The following ZFPM2 variants were observed in gnomAD, a reference collection of about 807,000 sequenced individuals.
The protein encoded by ZFPM2 is zinc finger protein ZFPM2.
ZFPM2 carries 20 observed loss-of-function variants against 98.6 expected under a neutral mutation model. That is an observed-to-expected ratio of 0.20 (90% CI 0.14 to 0.29). The LOEUF (loss-of-function observed/expected upper bound fraction) is 0.29, where lower values mean the gene tolerates loss of function less well. ZFPM2 is among the 10% of genes least tolerant of loss of function. ZFPM2 has a pLI of 1.00. For synonymous variants in ZFPM2, 518 were observed against 502.7 expected (o/e 1.03, Z -0.41); for missense variants, 1,310 against 1,388.6 (o/e 0.94, Z 0.90).
At chr8:105,775,764 C>T (rs1308608336) in intron 5 of ZFPM2, among the ~76,000 whole-genome samples, 2 of 152,208 alleles carry the variant, frequency 1.3e-5, no homozygotes, top group East Asian at 1.9e-4. Context: ...CGCAAGTTTC[C>T]GCAAAGCACT....
chr8:105,341,186 A>G (rs1269879387), intron 1 of ZFPM2, among the ~76,000 whole-genome samples: 2 of 151,876 alleles, frequency 1.3e-5, no homozygotes, highest in Non-Finnish European at 2.9e-5. Context: ...TGGGGCTTCC[A>G]CTCTCTAAAA....
intron 3 of ZFPM2, among the ~76,000 whole-genome samples, chr8:105,445,200 C>T (rs1679532228): frequency 1.3e-5 from 2 of 152,170 alleles, no homozygotes; most frequent in Middle Eastern, 3.4e-3. Flanking sequence ...CTCTGCTGTA[C>T]GTGAAGAAGA....
chr8:105,366,585 T>C (rs1211713122), intron 1 of ZFPM2, among the ~76,000 whole-genome samples: 1 of 151,882 alleles, frequency 6.6e-6, no homozygotes. Flanking sequence ...TAGTTACATA[T>C]GTATACATGT....
At chr8:105,586,306 CA>C (rs1815713521) in intron 4 of ZFPM2, among the ~76,000 whole-genome samples, 1 of 151,796 alleles carries the variant, frequency 6.6e-6, no homozygotes, top group Admixed American at 6.6e-5. Context: ...TACATGTTGT[CA>C]AAAGAGCTTA....
chr8:105,330,822 T>A (rs1438522371), intron 1 of ZFPM2, among the ~76,000 whole-genome samples: 1 of 150,018 alleles, frequency 6.7e-6, no homozygotes, highest in African/African-American at 2.4e-5. Flanking sequence ...AATAATTTTG[T>A]TACATGAGAG....
At chr8:105,675,877 G>T (rs1810445194) in intron 5 of ZFPM2, 1 of 152,080 alleles carries the variant, frequency 6.6e-6, no homozygotes, top group South Asian at 2.1e-4. Context: ...TTGACGAACT[G>T]CATTATTCCT....
chr8:105,548,474 T>A (rs1014955710), intron 3 of ZFPM2, among the ~76,000 whole-genome samples: 28 of 152,176 alleles, frequency 1.8e-4, no homozygotes, highest in African/African-American at 6.8e-4. Context: ...AAAACTGTTT[T>A]TTTTTACAAC....
chr8:105,625,628 T>A (rs1471099531), intron 4 of ZFPM2, among the ~76,000 whole-genome samples: 3 of 151,890 alleles, frequency 2.0e-5, no homozygotes, highest in Non-Finnish European at 4.4e-5. Context: ...TACCCCAGGC[T>A]GGAGTGCAGT....
chr8:105,476,228 C>T (rs772926560), intron 3 of ZFPM2, among the ~76,000 whole-genome samples: 2 of 152,180 alleles, frequency 1.3e-5, no homozygotes, highest in Non-Finnish European at 2.9e-5. Flanking sequence ...CCCTAGGCCC[C>T]AGACAGGTAC....
chr8:105,660,821 G>T (rs1183108979), intron 5 of ZFPM2, among the ~76,000 whole-genome samples: 1 of 152,102 alleles, frequency 6.6e-6, no homozygotes, highest in Non-Finnish European at 1.5e-5. Context: ...ATACTACATA[G>T]TGTTTCAGAA....
At chr8:105,619,277 ATG>A (rs1393501316) in intron 4 of ZFPM2, among the ~76,000 whole-genome samples, 1 of 152,150 alleles carries the variant, frequency 6.6e-6, no homozygotes, top group African/African-American at 2.4e-5. Flanking sequence ...ACCATCAAAT[ATG>A]TGTTGCACCT....
intron 3 of ZFPM2, among the ~76,000 whole-genome samples, chr8:105,447,914 A>G (rs1812407992): frequency 6.6e-6 from 1 of 152,128 alleles, no homozygotes; most frequent in African/African-American, 2.4e-5. Flanking sequence ...ACTAAAAGAT[A>G]TGTTTTGTTA....
At chr8:105,482,129 T>G (rs1813132447) in intron 3 of ZFPM2, among the ~76,000 whole-genome samples, 1 of 152,226 alleles carries the variant, frequency 6.6e-6, no homozygotes, top group African/African-American at 2.4e-5. Flanking sequence ...TTGTCAGCTT[T>G]TCTCTTGTAA....
chr8:105,405,670 A>G (rs1439604411), intron 1 of ZFPM2, among the ~76,000 whole-genome samples: 1 of 151,878 alleles, frequency 6.6e-6, no homozygotes, highest in Non-Finnish European at 1.5e-5. Flanking sequence ...TTCTTAATCC[A>G]GTCTATCATT....
At chr8:105,791,286 A>C (rs2131143997) in intron 6 of ZFPM2, among the ~76,000 whole-genome samples, 1 of 152,240 alleles carries the variant, frequency 6.6e-6, no homozygotes, top group Admixed American at 6.5e-5. Flanking sequence ...ATTTATTGAG[A>C]GTTTTTAGCA....
chr8:105,468,336 C>A, intron 3 of ZFPM2, among the ~76,000 whole-genome samples: 1 of 152,114 alleles, frequency 6.6e-6, no homozygotes, highest in East Asian at 1.9e-4. Context: ...CTCATGGCCA[C>A]TTCTGATCAG....
intron 5 of ZFPM2, among the ~76,000 whole-genome samples, chr8:105,742,100 A>G (rs1047809695): frequency 4.0e-5 from 6 of 151,634 alleles, no homozygotes. Flanking sequence ...TTGGGAGGCC[A>G]AGGCAGGATT....
chr8:105,434,208 G>A (rs1460286140), intron 2 of ZFPM2, among the ~76,000 whole-genome samples: 3 of 150,824 alleles, frequency 2.0e-5, no homozygotes, highest in South Asian at 4.2e-4. Flanking sequence ...TTTTTTTTAG[G>A]TATTGCCATA....
chr8:105,585,918 G>C (rs533225087), intron 4 of ZFPM2, among the ~76,000 whole-genome samples: 2 of 151,916 alleles, frequency 1.3e-5, no homozygotes, highest in African/African-American at 2.4e-5. Flanking sequence ...TCTAAGAAGA[G>C]GCCTGAAGAA....
Sources: gnomAD v4.1 joint callset for allele counts (sites outside exome capture counted in the v4.1 genomes callset) on GRCh38, gnomAD v4.1.1 for gene constraint, MANE v1.5 for transcripts, NCBI Gene and HGNC (gene_info 2026-07-23, HGNC 2026-07-21) for gene names.